Variants in NCOR2 observed in about 807,000 individuals in gnomAD.
The protein encoded by NCOR2 is nuclear receptor corepressor 2.
A neutral mutation model predicts 262.9 loss-of-function variants in NCOR2; 81 were observed. That is an observed-to-expected ratio of 0.31 (90% CI 0.26 to 0.37). The LOEUF (loss-of-function observed/expected upper bound fraction) is 0.37. NCOR2 is among the 10% of genes least tolerant of loss of function. The probability of loss-of-function intolerance (pLI) is 1.00; values close to 1 mark genes in which losing one functional copy is unlikely to be tolerated. For missense variants in NCOR2, 3,385 were observed against 3,621.4 expected, an observed-to-expected ratio of 0.93 and a Z score of 1.68; for synonymous variants, 1,659 against 1,559.3, an observed-to-expected ratio of 1.06 and a Z score of -1.51.
At chr12:124,375,330 A>G (rs2039903660) in intron 18 of NCOR2, among the ~76,000 whole-genome samples, 1 of 152,198 alleles carries the variant, frequency 6.6e-6, no homozygotes, top group African/African-American at 2.4e-5. Flanking sequence ...CAAAATGGGC[A>G]GTTAACTTCT....
chr12:124,341,228 G>A (rs974444393), intron 34 of NCOR2, among the ~76,000 whole-genome samples: 1 of 151,746 alleles, frequency 6.6e-6, no homozygotes, highest in Non-Finnish European at 1.5e-5. Flanking sequence ...ACTCCAAACA[G>A]CCTCACATTT....
intron 44 of NCOR2, among the ~76,000 whole-genome samples, chr12:124,329,735 G>A (rs918239827): frequency 2.0e-5 from 3 of 152,120 alleles, no homozygotes; most frequent in Non-Finnish European, 2.9e-5. Context: ...CAGAAAGACC[G>A]TGTCTTAAAA....
chr12:124,386,319 C>A (rs2040803412), intron 16 of NCOR2, among the ~76,000 whole-genome samples: 1 of 151,534 alleles, frequency 6.6e-6, no homozygotes, highest in Non-Finnish European at 1.5e-5. Flanking sequence ...TCGCTCACAG[C>A]TGCAGGCGAG....
intron 16 of NCOR2, among the ~76,000 whole-genome samples, chr12:124,388,437 T>G (rs1343134486): frequency 1.3e-5 from 2 of 152,148 alleles, no homozygotes; most frequent in East Asian, 1.9e-4. Context: ...AGACCCCCTG[T>G]GCACACAGCA....
chr12:124,384,624 C>A (rs980926634), intron 17 of NCOR2, among the ~76,000 whole-genome samples: 1 of 152,148 alleles, frequency 6.6e-6, no homozygotes, highest in Non-Finnish European at 1.5e-5. Context: ...AGTGCTTGGG[C>A]GGAGTTCAAA....
At chr12:124,431,801 A>T (rs972301798) in intron 8 of NCOR2, among the ~76,000 whole-genome samples, 6 of 148,178 alleles carry the variant, frequency 4.0e-5, no homozygotes, top group African/African-American at 1.3e-4. Context: ...AGACAGATAC[A>T]CAGGCAGACA....
chr12:124,353,443 GCCTGAGTGAAAAACACCT>G (rs1191782901), intron 27 of NCOR2, among the ~76,000 whole-genome samples: 6 of 152,242 alleles, frequency 3.9e-5, no homozygotes, highest in Non-Finnish European at 8.8e-5. Context: ...ATTTGACGCT[GCCTGAGTGAAAAACACCT>G]CCCTGTGGAC....
intron 26 of NCOR2, 79 bp downstream of exon 28, chr12:124,354,399 C>A: frequency 7.6e-7 from 1 of 1,316,402 alleles, no homozygotes; most frequent in Non-Finnish European, 1.0e-6. Flanking sequence ...CACTTCCCAG[C>A]AGGTTTTGAA....
At chr12:124,408,231 G>A (rs893838994) in intron 13 of NCOR2, among the ~76,000 whole-genome samples, 4 of 152,166 alleles carry the variant, frequency 2.6e-5, no homozygotes, top group Admixed American at 2.0e-4. Context: ...GCGGGCGCCT[G>A]TAGTCCCAGC....
At chr12:124,404,859 G>A (rs1299262324) in intron 13 of NCOR2, among the ~76,000 whole-genome samples, 1 of 152,216 alleles carries the variant, frequency 6.6e-6, no homozygotes, top group African/African-American at 2.4e-5. Flanking sequence ...ACCATGCCAA[G>A]TGCTTTGCAA....
At chr12:124,346,742 G>C in exon 31 of NCOR2, 2 of 1,559,746 alleles carry the variant, frequency 1.3e-6, no homozygotes, top group South Asian at 2.4e-5. Context: ...GTAGGCCTCG[G>C]TCAGGTCCCG....
Position 124,333,895 on chromosome 12 carries a change from T to TGTGCGCGCATGTGTGC in NCOR2, c.6605+528_6605+529insGCACACATGCGCGCAC, listed in dbSNP as rs1555299229. Among the ~76,000 whole-genome samples the TGTGCGCGCATGTGTGC allele has an allele frequency of 7.8e-4, 49 of 62,504 alleles. 2 individuals are homozygous for TGTGCGCGCATGTGTGC. In the South Asian group the frequency reaches 0.028, roughly 36 times the overall value. 41.0% of individuals were successfully genotyped at this position (62,504 alleles called of 152,430 possible). On this transcript the variant is annotated intron_variant, in intron 41 of 46. Coordinates refer to ENST00000405201, the Ensembl canonical transcript of NCOR2. ...ATGTGTGCGGGTGTGCATGTGTGTG[T>TGTGCGCGCATGTGTGC]GCGCGCGCATGTGTGCGGGTGTGCA...
chr12:124,353,923 CAGTGCCTG>C (rs1484238991), intron 27 of NCOR2, among the ~76,000 whole-genome samples, 162 bp downstream of exon 29: 1 of 152,250 alleles, frequency 6.6e-6, no homozygotes, highest in Non-Finnish European at 1.5e-5. Flanking sequence ...TTGGCAATCC[CAGTGCCTG>C]ATTCCATGCA....
chr12:124,382,297 C>T (rs1036130975), intron 17 of NCOR2, among the ~76,000 whole-genome samples: 2 of 152,218 alleles, frequency 1.3e-5, no homozygotes, highest in Non-Finnish European at 2.9e-5. Flanking sequence ...GATGGCCTGG[C>T]CTGAGCCCCA....
Position 124,432,907 on chromosome 12 carries a change from C to A in NCOR2, c.883-2120G>T, listed in dbSNP as rs1219436148. On this transcript the variant is annotated intron_variant, in intron 8 of 46. Transcript: ENST00000405201. This position sits in a 1 kb window ranked among gnomAD's most constrained non-coding sequence, Gnocchi z 5.1. The stretch of plus-strand genomic sequence containing the variant: ...GGAAGGGGACGCAGGGCGAGCCACC[C>A]ACACAACCCCAGTTACTCCACCTCT... 3.3e-5 allele frequency among the ~76,000 whole-genome samples: 5 copies of A among 152,264 alleles called. No homozygotes were observed. The East Asian group carries it at 9.7e-4, about 29-fold the overall frequency.
At chr12:124,400,441 G>T in intron 15 of NCOR2, 60 bp downstream of exon 17, 1 of 1,576,506 alleles carries the variant, frequency 6.3e-7, no homozygotes, top group Non-Finnish European at 8.6e-7. Context: ...ACTTTCATAT[G>T]AGCGCAACCC....
chr12:124,477,194 G>A (rs1031628553), intron 3 of NCOR2, among the ~76,000 whole-genome samples: 3 of 152,214 alleles, frequency 2.0e-5, no homozygotes, highest in African/African-American at 4.8e-5. Flanking sequence ...GAGGGGCCAA[G>A]TGGAGGTCAT....
intron 41 of NCOR2, among the ~76,000 whole-genome samples, chr12:124,333,927 T>C (rs28639958): frequency 0.047 from 5,819 of 124,412 alleles, 222 homozygotes; most frequent in African/African-American, 0.13. Flanking sequence ...TGCATGTGTG[T>C]GCGCGCGCAT....
At chr12:124,533,720 G>C (rs943001433) in intron 1 of NCOR2, among the ~76,000 whole-genome samples, 2 of 152,084 alleles carry the variant, frequency 1.3e-5, no homozygotes, top group African/African-American at 4.8e-5. Flanking sequence ...CTTAACCACG[G>C]GGACACGTTC....
Sources: allele counts gnomAD v4.1 joint callset (sites outside exome capture counted in the v4.1 genomes callset), GRCh38; gene constraint gnomAD v4.1.1; non-coding constraint Gnocchi (gnomAD v3.1); transcripts MANE v1.5; gene names NCBI Gene and HGNC (gene_info 2026-07-23, HGNC 2026-07-21).